PMEL: variants seen among roughly 807,000 people sequenced by gnomAD.
The protein encoded by PMEL is premelanosome protein.
In PMEL, 53 loss-of-function variants were observed where a neutral mutation model predicts 64.9. That is an observed-to-expected ratio of 0.82 (90% confidence interval 0.66 to 1.03). The LOEUF is 1.03. Among genes scored for constraint, PMEL ranks in the 50% least tolerant of loss-of-function variants. The probability of loss-of-function intolerance (pLI) is 0.00; values close to 1 mark genes in which losing one functional copy is unlikely to be tolerated. For synonymous variants in PMEL, 299 were observed against 316.2 expected (o/e 0.95, Z 0.58); for missense variants, 716 against 814.9 (o/e 0.88, Z 1.48).
intron 3 of PMEL, among the ~76,000 whole-genome samples, chr12:55,960,307 A>G (rs979472704): frequency 2.0e-5 from 3 of 151,938 alleles, no homozygotes; most frequent in African/African-American, 4.8e-5. Flanking sequence ...ATCAAGGACA[A>G]GTTTAAATAT....
intron 3 of PMEL, among the ~76,000 whole-genome samples, chr12:55,960,688 G>A (rs1362147405): frequency 2.0e-5 from 3 of 149,472 alleles, no homozygotes; most frequent in East Asian, 2.0e-4. Context: ...GACTACATGC[G>A]CCTGCCACCA....
At chr12:55,959,424 TAAAAG>T (rs1565775599) in intron 3 of PMEL, among the ~76,000 whole-genome samples, 1 of 148,858 alleles carries the variant, frequency 6.7e-6, no homozygotes, top group Non-Finnish European at 1.5e-5. Context: ...ATAAGAAAAA[TAAAAG>T]AAAAAGAAGA....
intron 3 of PMEL, among the ~76,000 whole-genome samples, chr12:55,960,606 G>T (rs1330030786): frequency 7.8e-6 from 1 of 128,744 alleles, no homozygotes; most frequent in Admixed American, 8.8e-5. Flanking sequence ...GCAGTGGCAT[G>T]ATCTCGGTTC....
At position 55,956,203 on chromosome 12, in the gene PMEL, CA is replaced by C. The variant is rs1237218161; in HGVS notation, c.1370del (p.Leu457ArgfsTer8). ...TESITGSLGPLLDGTATLRLV... is the reference protein window; with the variant it reads ...TESITGSLGPXLDGTATLRLV... ...GCCTTAAGGTGGCTGTACCATCCAG[CA>C]GGGGGCCCAGGGAACCTGGCAGGAG... On this transcript the variant is annotated frameshift_variant, in exon 7 of 11. Coordinates refer to ENST00000548747, the MANE Select transcript of PMEL (RefSeq NM_001384361.1). LOFTEE classifies it high-confidence loss of function. The C allele has an allele frequency of 1.2e-6, 2 of 1,612,300 alleles. No homozygotes were observed. The highest frequency in any genetic ancestry group is 2.7e-5 in the African/African-American group (2 of 74,894).
chr12:55,958,416 C>T (rs955247896), intron 4 of PMEL, 57 bp downstream of exon 4: 42 of 1,546,400 alleles, frequency 2.7e-5, no homozygotes, highest in African/African-American at 1.7e-4. Context: ...GAAAGGTGAT[C>T]AGGTAGAAAG....
intron 3 of PMEL, among the ~76,000 whole-genome samples, chr12:55,959,530 C>A (rs1490137728): frequency 1.3e-5 from 2 of 151,988 alleles, no homozygotes; most frequent in Non-Finnish European, 2.9e-5. Context: ...GGGGGCCAGG[C>A]GCAGTGGCTC....
chr12:55,955,057 T>C (rs1251564960), intron 10 of PMEL, among the ~76,000 whole-genome samples: 1 of 152,226 alleles, frequency 6.6e-6, no homozygotes, highest in Admixed American at 6.5e-5. Context: ...GGGCAAGTAT[T>C]AGTTTACCTA....
chr12:55,958,439 G>A, intron 4 of PMEL, 34 bp downstream of exon 4: 1 of 1,605,032 alleles, frequency 6.2e-7, no homozygotes, highest in South Asian at 1.1e-5. Flanking sequence ...GTAAACACAA[G>A]TGTGGATGAT....
Position 55,961,620 on chromosome 12 carries a change from A to T in PMEL, c.187+2T>A. The T allele has an allele frequency of 6.2e-7, 1 of 1,611,742 alleles. No homozygotes were observed. Among genetic ancestry groups the T allele is most frequent in the African/African-American group, 1.3e-5 (1 of 74,852 alleles). On this transcript the variant is annotated splice_donor_variant, in intron 2 of 10. Transcript: ENST00000548747. LOFTEE classifies it high-confidence loss of function. ...CCTCCCCTGGAACTTCCAAGTTCCT[A>T]CCTCTCCAGCAGTCAAGTCTCTGGG... is the stretch of plus-strand genomic sequence containing the variant.
chr12:55,955,210 T>G, intron 10 of PMEL, 64 bp downstream of exon 10: 107 of 1,194,244 alleles, frequency 9.0e-5, no homozygotes, highest in Non-Finnish European at 1.3e-4. Context: ...CTTCTCCCCT[T>G]GAGGAAAAGT....
intron 1 of PMEL, 110 bp downstream of exon 1, chr12:55,965,826 G>T (rs1889277690): frequency 1.5e-6 from 2 of 1,328,972 alleles, no homozygotes; most frequent in South Asian, 1.2e-5. Flanking sequence ...TCAAATGAGT[G>T]GGAGACGCCT....
chr12:55,956,147 A>G lies in PMEL; in HGVS notation c.1427T>C (p.Val476Ala). The change falls in exon 7 of 11, where the codon GTT (valine) becomes GCT (alanine). Residue 476 changes from valine (V) to alanine (A), a missense_variant. Val to Ala is a moderately conservative substitution (Grantham distance 64). Coordinates refer to ENST00000548747, the MANE Select transcript of PMEL (RefSeq NM_001384361.1). ...LVKRQVPLDC[V>A]LYRYGSFSVT... Reference sequence around the variant, plus strand: ...GGAAAAGGAACCATATCGATACAGAACACAATCCAGGGGGACTTGTCTCTT... The same window carrying G: ...GGAAAAGGAACCATATCGATACAGAGCACAATCCAGGGGGACTTGTCTCTT... The G allele has an allele frequency of 7.4e-6, 12 of 1,614,058 alleles. No homozygotes were observed. Among genetic ancestry groups the G allele is most frequent in the Non-Finnish European group, 1.0e-5 (12 of 1,179,912 alleles).
Position 55,956,089 on chromosome 12 carries a change from T to A in PMEL, c.1471+14A>T, listed in dbSNP as rs754290611. ...CAGCTGCCTCCATCAGCCACCAAAG[T>A]AGGCAAGACTCACGGACAATGTCCA... On this transcript the variant is annotated intron_variant, in intron 7 of 10. Transcript: ENST00000548747. 3.8e-6 allele frequency: 6 copies of A among 1,565,348 alleles called. No homozygotes were observed. In the South Asian group the frequency reaches 5.6e-5, roughly 14 times the overall value.
At chr12:55,958,368 G>GA in intron 4 of PMEL, 105 bp downstream of exon 4, 3 of 1,181,218 alleles carry the variant, frequency 2.5e-6, no homozygotes, top group Non-Finnish European at 3.6e-6. Context: ...GAAGATTAGA[G>GA]AAAATCACAG....
chr12:55,960,730 G>A (rs987818603), intron 3 of PMEL, among the ~76,000 whole-genome samples: 3 of 147,168 alleles, frequency 2.0e-5, no homozygotes, highest in Non-Finnish European at 4.5e-5. Flanking sequence ...TTTTTTTTTA[G>A]TAGAGACAGG....
intron 6 of PMEL, 139 bp from the exon 7 acceptor site, chr12:55,956,358 G>C: frequency 1.6e-6 from 1 of 629,782 alleles, no homozygotes; most frequent in Non-Finnish European, 2.9e-6. Context: ...TAAGACCTGG[G>C]AAACCTTATT....
chr12:55,961,912 T>TTGCAACCTC (rs992857834), intron 1 of PMEL, among the ~76,000 whole-genome samples, 180 bp from the exon 2 acceptor site: 10 of 151,172 alleles, frequency 6.6e-5, no homozygotes, highest in African/African-American at 2.4e-4. Context: ...TCTCGGCTCA[T>TTGCAACCTC]TGCAACCTCT....
Position 55,961,714 on chromosome 12 carries a change from C to T in PMEL, c.95G>A (p.Trp32Ter). Reference sequence around the variant, plus strand: ...TCTGAGTTGCCTTGAGACACCAAGCCAGTCCTGGTTTCTGGGTACTAAAAG... The same window carrying T: ...TCTGAGTTGCCTTGAGACACCAAGCTAGTCCTGGTTTCTGGGTACTAAAAG... ...GATKVPRNQD[W>*]LGVSRQLRTK... The change falls in exon 2 of 11, where the codon TGG becomes TAG. Residue 32 changes from tryptophan (W) to a stop codon, truncating the protein, a stop_gained. Transcript: ENST00000548747. LOFTEE classifies it high-confidence loss of function. 6.2e-7 allele frequency: 1 copy of T among 1,613,904 alleles called. No homozygotes were observed. The highest frequency in any genetic ancestry group is 8.5e-7 in the Non-Finnish European group (1 of 1,179,808).
At position 55,956,191 on chromosome 12, in the gene PMEL, T is replaced by C; in HGVS notation, c.1383A>G (p.Thr461=). Residue 461 remains threonine, a synonymous_variant, in exon 7 of 11, where the codon ACA becomes ACG. Coordinates refer to ENST00000548747, the MANE Select transcript of PMEL (RefSeq NM_001384361.1). ...TGSLGPLLDG[T]ATLRLVKRQV... is the part of the protein sequence containing the mutation. Reference sequence around the variant, plus strand: ...GTCTCTTCACCAGCCTTAAGGTGGCTGTACCATCCAGCAGGGGGCCCAGGG... The same window carrying C: ...GTCTCTTCACCAGCCTTAAGGTGGCCGTACCATCCAGCAGGGGGCCCAGGG... 3.1e-6 allele frequency: 5 copies of C among 1,613,866 alleles called. No individual in the cohort carries two copies. Among genetic ancestry groups the C allele is most frequent in the Non-Finnish European group, 4.2e-6 (5 of 1,179,742 alleles).
Sources: allele counts gnomAD v4.1 joint callset (sites outside exome capture counted in the v4.1 genomes callset), GRCh38; gene constraint gnomAD v4.1.1; transcripts MANE v1.5; gene names NCBI Gene and HGNC (gene_info 2026-07-23, HGNC 2026-07-21).